Variants in FMR1NB observed in about 807,000 individuals in gnomAD.
FMR1NB encodes FMR1 neighbor, also known as FMR1 neighbor protein.
A neutral mutation model predicts 16.8 loss-of-function variants in FMR1NB; 10 were observed. The ratio of observed to expected loss-of-function variants is 0.60; its 90% confidence interval spans 0.37 to 1.01. FMR1NB has a LOEUF of 1.01. Among genes scored for constraint, FMR1NB ranks in the 50% least tolerant of loss-of-function variants. The probability of loss-of-function intolerance (pLI) is 0.01; values close to 1 mark genes in which losing one functional copy is unlikely to be tolerated. For synonymous variants in FMR1NB, 83 were observed against 79.1 expected, an observed-to-expected ratio of 1.05 and a Z score of -0.26; for missense variants, 205 against 204.8, an observed-to-expected ratio of 1.00 and a Z score of 0.00.
chrX:148,000,665 TCAAAA>T (rs2044566117), intron 1 of FMR1NB, among the ~76,000 whole-genome samples: 1 of 111,837 alleles, frequency 8.9e-6, no homozygotes, highest in Non-Finnish European at 1.9e-5. Flanking sequence ...TATCCCTGAT[TCAAAA>T]TGAAACAAAA....
chrX:147,991,008 T>A lies in FMR1NB; in HGVS notation c.277+9329T>A, dbSNP rs1178302913. Among the ~76,000 whole-genome samples the A allele has an allele frequency of 3.6e-5, 4 of 110,952 alleles. No individual in the cohort carries two copies. In the East Asian group the frequency reaches 1.1e-3, roughly 31 times the overall value. The stretch of plus-strand genomic sequence containing the variant: ...AATCTCCTCCCTTCACAAAAGTCTT[T>A]CCTTGCTCATTTCCCCTCATGAAAG... On this transcript the variant is annotated intron_variant, in intron 1 of 5. Transcript: ENST00000370467.
chrX:148,010,904 A>G (rs2044620625), intron 4 of FMR1NB, among the ~76,000 whole-genome samples: 1 of 111,495 alleles, frequency 9.0e-6, no homozygotes. Flanking sequence ...TTGCAAGCCA[A>G]AACAAACAAT....
At position 148,011,295 on chromosome X, in the gene FMR1NB, T is replaced by A. The variant is rs2044623394; in HGVS notation, c.632+2584T>A. Among the ~76,000 whole-genome samples, 3 of 107,510 alleles carry A rather than the reference T, an allele frequency of 2.8e-5. No homozygotes were observed. The South Asian group carries it at 1.2e-3, about 43-fold the overall frequency. 93.4% of individuals were successfully genotyped at this position (107,510 alleles called of 115,157 possible). On this transcript the variant is annotated intron_variant, in intron 4 of 5. Transcript: ENST00000370467. ...AACAAAAACAAAAACAAAAAAAAAA[T>A]GTGAAGCAATTTGAGTTGGTGGGAG...
intron 1 of FMR1NB, among the ~76,000 whole-genome samples, chrX:147,982,329 T>C (rs2044452896): frequency 9.4e-6 from 1 of 106,115 alleles, no homozygotes; most frequent in Non-Finnish European, 1.9e-5. Context: ...TGCTCACGCC[T>C]GTAATCCCAA....
At chrX:147,991,503 T>G (rs1231809375) in intron 1 of FMR1NB, among the ~76,000 whole-genome samples, 1 of 110,091 alleles carries the variant, frequency 9.1e-6, no homozygotes, top group Non-Finnish European at 1.9e-5. Context: ...ATGGTTACCT[T>G]TCCTGCTTTC....
chrX:148,010,331 A>C (rs1247568491), intron 4 of FMR1NB, among the ~76,000 whole-genome samples: 1 of 112,467 alleles, frequency 8.9e-6, no homozygotes, highest in African/African-American at 3.2e-5. Context: ...AGCAGGTAGC[A>C]GATTCATCTT....
intron 4 of FMR1NB, among the ~76,000 whole-genome samples, chrX:148,013,097 A>G (rs868941333): frequency 1.7e-4 from 19 of 111,696 alleles, no homozygotes; most frequent in African/African-American, 4.6e-4. Flanking sequence ...TAGGTTTGAA[A>G]TTCGTATAAA....
intron 4 of FMR1NB, among the ~76,000 whole-genome samples, chrX:148,009,039 C>T (rs928806031): frequency 9.1e-6 from 1 of 109,664 alleles, no homozygotes; most frequent in South Asian, 4.0e-4. Context: ...CAAAATTAGC[C>T]GGGCATGGTG....
intron 3 of FMR1NB, 64 bp downstream of exon 3, chrX:148,006,906 T>G: frequency 9.2e-7 from 1 of 1,088,789 alleles, no homozygotes. Flanking sequence ...CGCAGTGGCA[T>G]AAGTTCATAT....
At chrX:148,008,283 T>G (rs1457923582) in intron 3 of FMR1NB, 11 of 189,285 alleles carry the variant, frequency 5.8e-5, no homozygotes, top group Non-Finnish European at 9.8e-5. Context: ...CTCTAGGATA[T>G]ACAACATATG....
chrX:147,991,064 C>A (rs1349130927), intron 1 of FMR1NB, among the ~76,000 whole-genome samples: 1 of 111,193 alleles, frequency 9.0e-6, no homozygotes, highest in Non-Finnish European at 1.9e-5. Flanking sequence ...ATCACAGAGT[C>A]CTACCCTCCC....
chrX:147,989,016 T>G (rs1188937717), intron 1 of FMR1NB, among the ~76,000 whole-genome samples: 1 of 111,750 alleles, frequency 8.9e-6, no homozygotes, highest in Non-Finnish European at 1.9e-5. Context: ...GTCAAACCCA[T>G]TCTCTATCCA....
chrX:147,990,039 G>GA lies in FMR1NB; in HGVS notation c.277+8376dup, dbSNP rs200206178. Reference sequence around the variant, plus strand: ...GGGGTTCCAGGTGCCACTGGGCTAAGAAAAAAAAAAAAAAAACAAAAGCTC... The same window carrying GA: ...GGGGTTCCAGGTGCCACTGGGCTAAGAAAAAAAAAAAAAAAAACAAAAGCTC... On this transcript the variant is annotated intron_variant, in intron 1 of 5. Coordinates refer to ENST00000370467, the MANE Select transcript of FMR1NB (RefSeq NM_152578.3). 8.7e-3 allele frequency among the ~76,000 whole-genome samples: 765 copies of GA among 87,590 alleles called. 2 individuals are homozygous for GA. Among genetic ancestry groups the GA allele is most frequent in the Non-Finnish European group, 0.013 (549 of 43,688 alleles). The allele number at this position is 87,590 out of a possible 115,157, so 76.1% of individuals were successfully genotyped here.
At position 148,018,336 on chromosome X, in the gene FMR1NB, C is replaced by T. The variant is rs782250841; in HGVS notation, c.633-6529C>T. Among the ~76,000 whole-genome samples, 606 of 111,815 alleles carry T rather than the reference C, an allele frequency of 5.4e-3. 1 individual carries two copies. The highest frequency in any genetic ancestry group is 9.3e-3 in the Non-Finnish European group (494 of 53,171). On this transcript the variant is annotated intron_variant, in intron 4 of 5. Transcript: ENST00000370467. ...TGTGTTTTTTTGGCTGCATAAATGT[C>T]TTCTTTTGAGAAGTGTCTGTTCATG...
chrX:147,982,293 G>GAA (rs56291017), intron 1 of FMR1NB, among the ~76,000 whole-genome samples: 9 of 69,677 alleles, frequency 1.3e-4, no homozygotes, highest in African/African-American at 3.0e-4. Flanking sequence ...CGTCTAAAAA[G>GAA]AAAAAAAAAA....
chrX:147,981,713 T>TGGGGGAGGGGGAGGGGGA (rs782686670), intron 1 of FMR1NB, 34 bp downstream of exon 1: 1 of 65,882 alleles, frequency 1.5e-5, no homozygotes, highest in African/African-American at 4.1e-4. Flanking sequence ...AGGGAAATGC[T>TGGGGGAGGGGGAGGGGGA]GGGGGAGGGG....
chrX:148,022,735 A>G (rs2044685619), intron 4 of FMR1NB, among the ~76,000 whole-genome samples: 1 of 111,754 alleles, frequency 8.9e-6, no homozygotes, highest in South Asian at 3.8e-4. Context: ...GAGGCTGAAC[A>G]AAAACCAAGT....
chrX:148,003,343 T>G, intron 2 of FMR1NB, 23 bp downstream of exon 2: 1 of 1,203,881 alleles, frequency 8.3e-7, no homozygotes, highest in Non-Finnish European at 1.1e-6. Flanking sequence ...TTGATTTTTT[T>G]CCCCCTCTAA....
chrX:148,021,318 T>G (rs1420577238), intron 4 of FMR1NB, among the ~76,000 whole-genome samples: 2 of 110,935 alleles, frequency 1.8e-5, no homozygotes, highest in Non-Finnish European at 3.8e-5. Context: ...TCCTACTCTC[T>G]TCAGTACTTC....
Sources: allele counts gnomAD v4.1 joint callset (sites outside exome capture counted in the v4.1 genomes callset), GRCh38; gene constraint gnomAD v4.1.1; transcripts MANE v1.5; gene names NCBI Gene and HGNC (gene_info 2026-07-23, HGNC 2026-07-21).